Variants in COMMD8 observed in about 807,000 individuals in gnomAD.
COMMD8 encodes COMM domain containing 8.
Under a neutral mutation model 27.2 loss-of-function variants are expected in COMMD8, and 28 were observed. That is an observed-to-expected ratio of 1.03 (90% CI 0.76 to 1.41). The LOEUF is 1.41. Among genes scored for constraint, COMMD8 ranks in the 40% most tolerant of loss-of-function variants. The pLI is 0.00. For synonymous variants in COMMD8, 79 were observed against 75.5 expected (o/e 1.05, Z -0.24); for missense variants, 217 against 211.2 (o/e 1.03, Z -0.17).
chr4:47,453,455 G>A (rs1729810131), intron 3 of COMMD8, among the ~76,000 whole-genome samples: 1 of 152,200 alleles, frequency 6.6e-6, no homozygotes, highest in Non-Finnish European at 1.5e-5. Flanking sequence ...CAATCTTGTG[G>A]CAGAAGCAGG....
chr4:47,453,037 A>G, intron 4 of COMMD8, 22 bp downstream of exon 4: 1 of 1,574,890 alleles, frequency 6.3e-7, no homozygotes, highest in Non-Finnish European at 8.6e-7. Context: ...TTCAAATCAT[A>G]TGACAAAATT....
At chr4:47,456,296 A>G (rs936993840) in intron 3 of COMMD8, among the ~76,000 whole-genome samples, 2 of 128,010 alleles carry the variant, frequency 1.6e-5, no homozygotes, top group African/African-American at 3.0e-5. Context: ...ATATATATAT[A>G]TATATGTATA....
intron 1 of COMMD8, among the ~76,000 whole-genome samples, chr4:47,462,529 T>C (rs1730086717): frequency 6.6e-6 from 1 of 152,114 alleles, no homozygotes; most frequent in Non-Finnish European, 1.5e-5. Flanking sequence ...TTTTGGGGTT[T>C]TGTTTTGTTT....
rs996222773 is a variant in COMMD8, at chr4:47,463,592, G to A, written c.60C>T (p.Gly20=). The A allele has an allele frequency of 3.2e-6, 5 of 1,545,260 alleles. No individual in the cohort carries two copies. The African/African-American group carries it at 5.5e-5, about 17-fold the overall frequency. ...WRLQKLPAEL[G]PQLLHKIIDG... is the part of the protein sequence containing the mutation. ...CCCCGGTACCCGCCCTCACCTGCGG[G>A]CCCAGCTCGGCCGGCAGCTTCTGCA... The change falls in exon 1 of 5, where the codon GGC becomes GGT. Residue 20 remains glycine (G), a synonymous_variant. Coordinates refer to ENST00000381571, the MANE Select transcript of COMMD8 (RefSeq NM_017845.5).
intron 3 of COMMD8, 55 bp downstream of exon 3, chr4:47,456,522 A>G: frequency 7.8e-7 from 1 of 1,287,572 alleles, no homozygotes; most frequent in South Asian, 1.5e-5. Flanking sequence ...TTATAAAGAT[A>G]TTTCTCTATA....
chr4:47,463,642 C>G lies in COMMD8; in HGVS notation c.10G>C (p.Glu4Gln), dbSNP rs967770876. The change falls in exon 1 of 5, where the codon GAA becomes CAA. Residue 4 changes from glutamate (E) to glutamine (Q), a missense_variant. Transcript: ENST00000381571. MEP[E>Q]EGTPLWRLQK... is the part of the protein sequence containing the mutation. ...AGCCGCCACAAGGGCGTCCCCTCTT[C>G]CGGCTCCATCCCTGCGCGAAGCTGG... 1 of 1,549,094 alleles carries G rather than the reference C, an allele frequency of 6.5e-7. No individual in the cohort carries two copies. The highest frequency in any genetic ancestry group is 1.4e-5 in the African/African-American group (1 of 72,916).
At chr4:47,458,762 A>C (rs1300806472) in intron 2 of COMMD8, among the ~76,000 whole-genome samples, 1 of 152,110 alleles carries the variant, frequency 6.6e-6, no homozygotes, top group Non-Finnish European at 1.5e-5. Context: ...ATGAAGACAT[A>C]ATTTAATTTA....
In COMMD8 at chr4:47,453,131, T is replaced by G; in HGVS notation, c.459A>C (p.Val153=). 1 of 1,613,776 alleles carries G rather than the reference T, an allele frequency of 6.2e-7. No homozygotes were observed. The highest frequency in any genetic ancestry group is 8.5e-7 in the Non-Finnish European group (1 of 1,179,648). Residue 153 remains valine, a synonymous_variant, in exon 4 of 5, where the codon GTA becomes GTC. Coordinates refer to ENST00000381571, the MANE Select transcript of COMMD8 (RefSeq NM_017845.5). Reference sequence around the variant, plus strand: ...TACTCATTTCAATAGAATAAGGTTTTACTTCACCATTTTCTTTTACATCTA... The same window carrying G: ...TACTCATTTCAATAGAATAAGGTTTGACTTCACCATTTTCTTTTACATCTA... The part of the protein sequence containing the change: ...LHLDVKENGE[V]KPYSIEMSRE...
Position 47,451,550 on chromosome 4 carries a change from TCAAGA to T in COMMD8, c.*90_*94del. On this transcript the variant is annotated 3_prime_UTR_variant, in exon 5 of 5. Coordinates refer to ENST00000381571, the MANE Select transcript of COMMD8 (RefSeq NM_017845.5). ...CTGCTTTCTCAGCCTGGTGCAACAG[TCAAGA>T]CATCACAAGGTTTCTGAACACGCAG... is the stretch of plus-strand genomic sequence containing the variant. 1 of 928,724 alleles carries T rather than the reference TCAAGA, an allele frequency of 1.1e-6. No homozygotes were observed. Among genetic ancestry groups the T allele is most frequent in the Non-Finnish European group, 1.7e-6 (1 of 576,818 alleles). The allele number at this position is 928,724 out of a possible 1,614,324, so 57.5% of individuals were successfully genotyped here.
chr4:47,462,144 G>A (rs988599466), intron 1 of COMMD8, among the ~76,000 whole-genome samples: 3 of 152,128 alleles, frequency 2.0e-5, no homozygotes, highest in East Asian at 1.9e-4. Flanking sequence ...GTGCTCAACC[G>A]GGAAGCAACC....
chr4:47,454,502 T>G (rs760905541), intron 3 of COMMD8, among the ~76,000 whole-genome samples: 2 of 152,122 alleles, frequency 1.3e-5, no homozygotes, highest in African/African-American at 4.8e-5. Flanking sequence ...CAGCCAAAAC[T>G]AAACAGATAA....
At chr4:47,459,120 T>C (rs771025861) in intron 2 of COMMD8, among the ~76,000 whole-genome samples, 58 of 152,216 alleles carry the variant, frequency 3.8e-4, no homozygotes, top group Non-Finnish European at 6.5e-4. Flanking sequence ...ACATTAATAG[T>C]ATTAGCCAGC....
intron 3 of COMMD8, among the ~76,000 whole-genome samples, chr4:47,455,187 T>C (rs561137566): frequency 9.9e-5 from 15 of 152,032 alleles, no homozygotes; most frequent in Non-Finnish European, 1.5e-4. Context: ...CTAATATTCA[T>C]ATTTTTTCAG....
At chr4:47,456,554 T>C in intron 3 of COMMD8, 23 bp downstream of exon 3, 1 of 1,523,016 alleles carries the variant, frequency 6.6e-7, no homozygotes, top group South Asian at 1.3e-5. Context: ...AAATAAAAAA[T>C]ACACATACTC....
intron 1 of COMMD8, among the ~76,000 whole-genome samples, chr4:47,461,474 A>T (rs769040133): frequency 2.5e-4 from 38 of 152,308 alleles, no homozygotes; most frequent in Non-Finnish European, 4.9e-4. Context: ...TCAATTTTGA[A>T]TCCATTCAAA....
chr4:47,456,568 G>T lies in COMMD8; in HGVS notation c.375+9C>A, dbSNP rs749503503. On this transcript the variant is annotated intron_variant, in intron 3 of 4. Transcript: ENST00000381571. The stretch of plus-strand genomic sequence containing the variant: ...GAAATAAAAAATACACATACTCATA[G>T]ACTCTTACCTTTACCTGCCAATCAA... 6.3e-7 allele frequency: 1 copy of T among 1,589,814 alleles called. No homozygotes were observed. The highest frequency in any genetic ancestry group is 1.2e-5 in the South Asian group (1 of 86,718).
At chr4:47,461,756 C>T (rs1475499060) in intron 1 of COMMD8, among the ~76,000 whole-genome samples, 1 of 151,108 alleles carries the variant, frequency 6.6e-6, no homozygotes, top group African/African-American at 2.5e-5. Flanking sequence ...CTGATCCTCA[C>T]TACAACTCTG....
At chr4:47,463,134 G>C (rs935947444) in intron 1 of COMMD8, among the ~76,000 whole-genome samples, 2 of 151,488 alleles carry the variant, frequency 1.3e-5, no homozygotes, top group Non-Finnish European at 2.9e-5. Flanking sequence ...CCTAACTAAA[G>C]TAACTCGCCC....
At chr4:47,453,347 T>A in intron 3 of COMMD8, 133 bp from the exon 4 acceptor site, 1 of 647,382 alleles carries the variant, frequency 1.5e-6, no homozygotes, top group Non-Finnish European at 2.6e-6. Flanking sequence ...GTGAAAGAAA[T>A]AAATTAAGTC....
Sources: allele counts gnomAD v4.1 joint callset (sites outside exome capture counted in the v4.1 genomes callset), GRCh38; gene constraint gnomAD v4.1.1; transcripts MANE v1.5; gene names NCBI Gene and HGNC (gene_info 2026-07-23, HGNC 2026-07-21).